Variants in NOL4L observed in about 807,000 individuals in gnomAD.
NOL4L encodes nucleolar protein 4 like, also known as nucleolar protein 4-like.
A neutral mutation model predicts 64.5 loss-of-function variants in NOL4L; 7 were observed. That is an observed-to-expected ratio of 0.11 (90% CI 0.06 to 0.20). NOL4L has a LOEUF of 0.20. Ranked by LOEUF, NOL4L falls within the 10% of genes least tolerant of loss-of-function variation. The probability of loss-of-function intolerance (pLI) is 1.00; values close to 1 mark genes in which losing one functional copy is unlikely to be tolerated. For synonymous variants in NOL4L, 413 were observed against 401.0 expected (o/e 1.03, Z -0.36); for missense variants, 680 against 967.1 (o/e 0.70, Z 3.94).
Position 32,529,870 on chromosome 20 carries a change from C to G in NOL4L, c.322-1957G>C, listed in dbSNP as rs142257879. Among the ~76,000 whole-genome samples the G allele has an allele frequency of 1.1e-4, 16 of 152,360 alleles. No homozygotes were observed. In the East Asian group the frequency reaches 3.1e-3, roughly 29 times the overall value. On this transcript the variant is annotated intron_variant, in intron 1 of 10. Coordinates refer to ENST00000621426, the MANE Select transcript of NOL4L (RefSeq NM_001256798.2). ...AGCTTCCTCGCTGTGAGATTATGGG[C>G]AAACCCTTCAACCTCCCCGAGCTTC...
At chr20:32,551,355 G>A (rs950308058) in intron 1 of NOL4L, among the ~76,000 whole-genome samples, 1 of 150,120 alleles carries the variant, frequency 6.7e-6, no homozygotes, top group African/African-American at 2.5e-5. Flanking sequence ...CAGCCTGGAC[G>A]ACAGCGTGAG....
intron 5 of NOL4L, among the ~76,000 whole-genome samples, chr20:32,468,684 A>AG (rs1187550836): frequency 6.6e-6 from 1 of 152,028 alleles, no homozygotes; most frequent in Non-Finnish European, 1.5e-5. Flanking sequence ...GCAGATCATG[A>AG]GGTCAGGAGT....
At chr20:32,494,837 C>T (rs567641798) in intron 4 of NOL4L, among the ~76,000 whole-genome samples, 9 of 152,326 alleles carry the variant, frequency 5.9e-5, no homozygotes, top group South Asian at 4.2e-4. Flanking sequence ...ATGGCACCAG[C>T]GGCGGCTCCT....
chr20:32,498,766 TA>T (rs34083852), intron 4 of NOL4L, among the ~76,000 whole-genome samples: 18,985 of 99,028 alleles, frequency 0.19, 2,346 homozygotes, highest in African/African-American at 0.4. Flanking sequence ...CCTGTCTCAA[TA>T]AAAAAAAAAA....
rs114264099 is a variant in NOL4L, at chr20:32,557,926, A to G, written c.321+26644T>C. On this transcript the variant is annotated intron_variant, in intron 1 of 10. Coordinates refer to ENST00000621426, the MANE Select transcript of NOL4L (RefSeq NM_001256798.2). ...CAAAAAATATAAAAAGTAGCCAGGC[A>G]TGGTGGCACCCACCTGTAATCCCAG... Among the ~76,000 whole-genome samples the G allele has an allele frequency of 7.3e-3, 1,104 of 152,246 alleles. 10 individuals are homozygous for G. The highest frequency in any genetic ancestry group is 0.025 in the African/African-American group (1,037 of 41,542).
chr20:32,538,480 T>G (rs1425775595), intron 1 of NOL4L, among the ~76,000 whole-genome samples: 1 of 79,968 alleles, frequency 1.3e-5, no homozygotes, highest in African/African-American at 4.2e-5. Flanking sequence ...CCTCCCTCCC[T>G]CCCTCCCTCC....
chr20:32,572,708 AG>A (rs1330128720), intron 1 of NOL4L, among the ~76,000 whole-genome samples: 2 of 152,038 alleles, frequency 1.3e-5, no homozygotes, highest in Non-Finnish European at 2.9e-5. Context: ...GCTTCCATCA[AG>A]GCCCCCTCTC....
intron 1 of NOL4L, among the ~76,000 whole-genome samples, chr20:32,577,165 G>T (rs1000807066): frequency 1.3e-5 from 2 of 152,204 alleles, no homozygotes; most frequent in Admixed American, 1.3e-4. Flanking sequence ...GAAAAATTGG[G>T]AGATGGGCTC....
chr20:32,528,652 G>A (rs995623411), intron 1 of NOL4L, among the ~76,000 whole-genome samples: 23 of 152,338 alleles, frequency 1.5e-4, no homozygotes, highest in African/African-American at 4.8e-4. Context: ...TGGGGCTGAC[G>A]CCTGCCCTCC....
chr20:32,516,453 AG>A (rs1369366279), intron 3 of NOL4L, among the ~76,000 whole-genome samples: 1 of 152,144 alleles, frequency 6.6e-6, no homozygotes, highest in Non-Finnish European at 1.5e-5. Flanking sequence ...GACAGACGTG[AG>A]GCCATTAGGG....
At chr20:32,459,684 C>G (rs766463481) in intron 5 of NOL4L, among the ~76,000 whole-genome samples, 1 of 152,136 alleles carries the variant, frequency 6.6e-6, no homozygotes, top group Non-Finnish European at 1.5e-5. Context: ...CGTGCCCAGC[C>G]TCGGCTAATT....
intron 4 of NOL4L, chr20:32,510,359 A>T: frequency 4.3e-6 from 1 of 232,650 alleles, no homozygotes. Context: ...ACCCAGCTGA[A>T]GTCCTCAAAC....
chr20:32,536,797 A>C (rs1364772301), intron 1 of NOL4L, among the ~76,000 whole-genome samples: 1 of 6,400 alleles, frequency 1.6e-4, no homozygotes, highest in Non-Finnish European at 2.8e-4. Context: ...CCCGGCTGGG[A>C]GTGGGGGGGG....
chr20:32,571,045 C>T (rs989318112), intron 1 of NOL4L, among the ~76,000 whole-genome samples: 9 of 152,182 alleles, frequency 5.9e-5, no homozygotes, highest in Admixed American at 3.3e-4. Context: ...TGAGGAACCC[C>T]ACTCCAGAGC....
At chr20:32,514,494 G>A (rs296472) in intron 3 of NOL4L, among the ~76,000 whole-genome samples, 114,205 of 149,738 alleles carry the variant, frequency 0.76, 45,441 homozygotes, top group South Asian at 0.9. Flanking sequence ...CCGTCCCAAG[G>A]AAAAAAAAAA....
At chr20:32,503,861 CATTT>C (rs1244304456) in intron 4 of NOL4L, among the ~76,000 whole-genome samples, 2 of 151,974 alleles carry the variant, frequency 1.3e-5, no homozygotes, top group African/African-American at 4.8e-5. Flanking sequence ...TTGCCTTGAA[CATTT>C]ATTTAACATT....
At chr20:32,514,651 G>A (rs574973691) in intron 3 of NOL4L, among the ~76,000 whole-genome samples, 6 of 152,024 alleles carry the variant, frequency 3.9e-5, no homozygotes, top group East Asian at 3.9e-4. Context: ...CCACCCCACC[G>A]TCAACCTAGA....
intron 5 of NOL4L, among the ~76,000 whole-genome samples, chr20:32,473,377 C>T (rs1254275964): frequency 6.6e-6 from 1 of 152,236 alleles, no homozygotes; most frequent in Non-Finnish European, 1.5e-5. Flanking sequence ...CCGGTCCCCA[C>T]CCCCGTGGGA....
Position 32,464,672 on chromosome 20 carries a change from CT to C in NOL4L, c.842-8278del, listed in dbSNP as rs999598442. 2 of 215,510 alleles carry C rather than the reference CT, an allele frequency of 9.3e-6. No individual in the cohort carries two copies. The highest frequency in any genetic ancestry group is 1.8e-5 in the Non-Finnish European group (2 of 109,838). 13.3% of individuals were successfully genotyped at this position (215,510 alleles called of 1,614,324 possible). On this transcript the variant is annotated intron_variant, in intron 5 of 10. Transcript: ENST00000621426. This position sits in a 1 kb window ranked among gnomAD's most constrained non-coding sequence, Gnocchi z 5.6. ...GCTTAGGCAGGTGCCAATTTAGGCC[CT>C]CACAGTCGGGAGCAGCACTGTCCGA...
Sources: gnomAD v4.1 joint callset for allele counts (sites outside exome capture counted in the v4.1 genomes callset) on GRCh38, gnomAD v4.1.1 for gene constraint, Gnocchi (gnomAD v3.1) non-coding constraint, MANE v1.5 for transcripts, NCBI Gene and HGNC (gene_info 2026-07-23, HGNC 2026-07-21) for gene names.